PCDHA8: variants seen among roughly 807,000 people sequenced by gnomAD.
PCDHA8 encodes the protein protocadherin alpha-8.
PCDHA8 carries 53 observed loss-of-function variants against 61.8 expected under a neutral mutation model. That is an observed-to-expected ratio of 0.86 (90% CI 0.69 to 1.08). PCDHA8 has a LOEUF of 1.08. PCDHA8 is among the 50% of genes least tolerant of loss of function. PCDHA8 has a pLI of 0.00. For synonymous variants in PCDHA8, 618 were observed against 556.6 expected (o/e 1.11, Z -1.55); for missense variants, 1,293 against 1,245.0 (o/e 1.04, Z -0.58).
Position 140,841,928 on chromosome 5 carries a change from G to C in PCDHA8, c.607G>C (p.Glu203Gln). 6.2e-7 allele frequency: 1 copy of C among 1,613,910 alleles called. No individual in the cohort carries two copies. Among genetic ancestry groups the C allele is most frequent in the Non-Finnish European group, 8.5e-7 (1 of 1,179,862 alleles). ...CGTATTAAGAAAATCCTTGGACAGA[G>C]AGGACGCTCCTGCGCACCACTTATT... ...ELVLRKSLDR[E>Q]DAPAHHLFLT... is the part of the protein sequence containing the mutation. The change falls in exon 1 of 4, where the codon GAG becomes CAG. Residue 203 changes from glutamate to glutamine, a missense_variant. Glu to Gln is a conservative substitution (Grantham distance 29, BLOSUM62 2). Coordinates refer to ENST00000531613, the MANE Select transcript of PCDHA8 (RefSeq NM_018911.3).
intron 1 of PCDHA8, among the ~76,000 whole-genome samples, chr5:140,918,149 A>G (rs2078550151): frequency 1.3e-5 from 2 of 151,946 alleles, no homozygotes; most frequent in African/African-American, 4.8e-5. Flanking sequence ...CTTTTTGTGT[A>G]TGTCTATTGT....
Position 140,842,704 on chromosome 5 carries a change from G to T in PCDHA8, c.1383G>T (p.Thr461=), listed in dbSNP as rs151170990. 1.9e-4 allele frequency: 301 copies of T among 1,595,236 alleles called. 23 individuals are homozygous for T. In the African/African-American group the frequency reaches 3.7e-3, roughly 20 times the overall value. Residue 461 remains threonine (T), a synonymous_variant, in exon 1 of 4, where the codon ACG becomes ACT. Transcript: ENST00000531613. ...CGGCGTTCGCGCAGCCCGAGTACAC[G>T]GTGTTCGTGAAGGAGAACAACCCGC... ...NAPAFAQPEY[T]VFVKENNPPG... is the part of the protein sequence containing the mutation.
intron 1 of PCDHA8, chr5:140,967,993 T>C (rs372478638): frequency 1.5e-5 from 24 of 1,614,206 alleles, no homozygotes; most frequent in Non-Finnish European, 1.2e-5. Flanking sequence ...CCACACTGCC[T>C]TTCCGACTGA....
intron 1 of PCDHA8, chr5:140,926,893 A>G: frequency 1.3e-6 from 2 of 1,547,320 alleles, no homozygotes; most frequent in Non-Finnish European, 1.7e-6. Context: ...TAGAGGGAGG[A>G]TGGTGGGCTG....
At chr5:140,867,118 T>C (rs2049765139) in intron 1 of PCDHA8, 1 of 152,172 alleles carries the variant, frequency 6.6e-6, no homozygotes, top group Admixed American at 6.5e-5. Context: ...CATATTGTTT[T>C]AATTCAAATA....
intron 1 of PCDHA8, chr5:140,857,783 C>G: frequency 1.3e-6 from 2 of 1,597,710 alleles, no homozygotes; most frequent in Middle Eastern, 1.7e-4. Flanking sequence ...AGTCAGTGAG[C>G]TGGTGCTGCG....
At chr5:140,848,056 C>T (rs2150406105) in intron 1 of PCDHA8, 2 of 161,888 alleles carry the variant, frequency 1.2e-5, no homozygotes, top group South Asian at 3.2e-4. Context: ...TTAATTGTTA[C>T]TTCATTTCTG....
At chr5:140,852,245 A>G (rs2042277804) in intron 1 of PCDHA8, 6 of 557,120 alleles carry the variant, frequency 1.1e-5, no homozygotes, top group Non-Finnish European at 1.4e-5. Flanking sequence ...CTTAAAACAC[A>G]CTTTTGGAAT....
intron 1 of PCDHA8, among the ~76,000 whole-genome samples, chr5:140,901,404 G>C (rs1047085666): frequency 6.6e-6 from 1 of 152,166 alleles, no homozygotes; most frequent in East Asian, 1.9e-4. Flanking sequence ...GTGAGAGATA[G>C]GGGTCTAGTT....
Position 140,848,772 on chromosome 5 carries a change from G to A in PCDHA8, c.2394+5057G>A, listed in dbSNP as rs2150420106. ...GTTTGTGAATTCTCGGATCGACCGCGAGGAGCTGTGCGGGCGGAGCGCGGA... is the reference window on the plus strand; with the variant it reads ...GTTTGTGAATTCTCGGATCGACCGCAAGGAGCTGTGCGGGCGGAGCGCGGA... On this transcript the variant is annotated intron_variant, in intron 1 of 3. Coordinates refer to ENST00000531613, the MANE Select transcript of PCDHA8 (RefSeq NM_018911.3). 12 of 1,593,594 alleles carry A rather than the reference G, an allele frequency of 7.5e-6. 2 individuals carry two copies. Among genetic ancestry groups the A allele is most frequent in the Non-Finnish European group, 1.0e-5 (12 of 1,164,190 alleles).
chr5:140,951,243 A>G (rs1192486913), intron 1 of PCDHA8, among the ~76,000 whole-genome samples: 3 of 152,172 alleles, frequency 2.0e-5, no homozygotes, highest in Non-Finnish European at 4.4e-5. Context: ...ACCTTTAGGA[A>G]TGCATCACAT....
At chr5:140,986,524 G>GAACT (rs1403082336) in intron 3 of PCDHA8, among the ~76,000 whole-genome samples, 2 of 152,198 alleles carry the variant, frequency 1.3e-5, no homozygotes, top group Non-Finnish European at 2.9e-5. Flanking sequence ...GCCTGTGAGG[G>GAACT]AACTGGCCTG....
intron 1 of PCDHA8, chr5:140,875,643 G>A: frequency 6.2e-7 from 1 of 1,613,696 alleles, no homozygotes; most frequent in Non-Finnish European, 8.5e-7. Flanking sequence ...TGGAGCTGGC[G>A]GAGCTGGTGC....
chr5:140,858,487 C>G (rs896590695), intron 1 of PCDHA8: 5 of 1,499,788 alleles, frequency 3.3e-6, no homozygotes, highest in Non-Finnish European at 4.5e-6. Flanking sequence ...ATAATATTTT[C>G]TCTTACCGCA....
rs782807362 is a variant in PCDHA8 at position 140,884,482 on chromosome 5, T to G, written c.2394+40767T>G. ...GCGCGTGCGCGCCGGGCAAGCCCACTCTAGTGTGCTCCAGCGCGGCAGGGA... is the reference window on the plus strand; with the variant it reads ...GCGCGTGCGCGCCGGGCAAGCCCACGCTAGTGTGCTCCAGCGCGGCAGGGA... On this transcript the variant is annotated intron_variant, in intron 1 of 3. Transcript: ENST00000531613. 1.6e-5 allele frequency: 26 copies of G among 1,613,830 alleles called. No homozygotes were observed. In the East Asian group the frequency reaches 4.5e-4, roughly 28 times the overall value.
At chr5:140,946,191 CAAAAG>C (rs2093900144) in intron 1 of PCDHA8, among the ~76,000 whole-genome samples, 1 of 151,950 alleles carries the variant, frequency 6.6e-6, no homozygotes, top group Non-Finnish European at 1.5e-5. Flanking sequence ...AGACATTTCT[CAAAAG>C]AAAGCACACA....
chr5:140,862,092 C>G (rs987479365), intron 1 of PCDHA8: 1 of 156,922 alleles, frequency 6.4e-6, no homozygotes, highest in African/African-American at 2.4e-5. Context: ...AGCCCTTTTT[C>G]GCATAGATTC....
At chr5:140,994,329 T>A (rs1041024319) in intron 3 of PCDHA8, among the ~76,000 whole-genome samples, 2 of 152,096 alleles carry the variant, frequency 1.3e-5, no homozygotes, top group Non-Finnish European at 2.9e-5. Context: ...TCAGCAACCA[T>A]GAACAGTGGA....
chr5:140,875,531 T>G, intron 1 of PCDHA8: 1 of 1,614,100 alleles, frequency 6.2e-7, no homozygotes. Flanking sequence ...TCGCTTCTGC[T>G]CCTTGCAGCC....
Sources: gnomAD v4.1 joint callset for allele counts (sites outside exome capture counted in the v4.1 genomes callset) on GRCh38, gnomAD v4.1.1 for gene constraint, MANE v1.5 for transcripts, NCBI Gene and HGNC (gene_info 2026-07-23, HGNC 2026-07-21) for gene names.